THADA: variants seen among roughly 807,000 people sequenced by gnomAD.
THADA encodes the protein THADA armadillo repeat containing, also known as tRNA (32-2'-O)-methyltransferase regulator THADA.
In THADA, 213 loss-of-function variants were observed where a neutral mutation model predicts 219.8. The observed-to-expected ratio is 0.97, with a 90% CI of 0.87 to 1.09. The LOEUF (loss-of-function observed/expected upper bound fraction) is 1.09. Ranked by LOEUF, THADA falls within the 50% of genes least tolerant of loss-of-function variation. THADA has a pLI of 0.00. For missense variants in THADA, 2,956 were observed against 2,311.3 expected (o/e 1.28, Z -5.72); for synonymous variants, 1,018 against 828.9 (o/e 1.23, Z -3.92).
At chr2:43,309,745 C>A (rs1284569521) in intron 31 of THADA, among the ~76,000 whole-genome samples, 1 of 152,086 alleles carries the variant, frequency 6.6e-6, no homozygotes, top group Non-Finnish European at 1.5e-5. Context: ...AGGAATGAGA[C>A]AAGATGTCTG....
chr2:43,460,476 C>G (rs887749095), intron 26 of THADA, among the ~76,000 whole-genome samples: 1 of 152,100 alleles, frequency 6.6e-6, no homozygotes, highest in African/African-American at 2.4e-5. Context: ...AAAAAATAAA[C>G]CTGGTACAAA....
chr2:43,311,947 C>T (rs1458697922), intron 31 of THADA, among the ~76,000 whole-genome samples: 3 of 152,174 alleles, frequency 2.0e-5, no homozygotes, highest in Non-Finnish European at 4.4e-5. Flanking sequence ...GCCTGTAATC[C>T]CAGCACTTTG....
intron 36 of THADA, among the ~76,000 whole-genome samples, chr2:43,278,302 A>C (rs1289519567): frequency 6.6e-6 from 1 of 152,188 alleles, no homozygotes; most frequent in East Asian, 1.9e-4. Context: ...CTTCTGATTA[A>C]AGAAAAAAAT....
intron 28 of THADA, among the ~76,000 whole-genome samples, chr2:43,399,776 T>C (rs1292342004): frequency 6.6e-6 from 1 of 152,148 alleles, no homozygotes; most frequent in Non-Finnish European, 1.5e-5. Flanking sequence ...TTTAAGTGAT[T>C]AAATGTTTAA....
chr2:43,548,749 C>T (rs1299965301), intron 20 of THADA, among the ~76,000 whole-genome samples: 3 of 152,322 alleles, frequency 2.0e-5, no homozygotes, highest in South Asian at 2.1e-4. Context: ...GGCAGTGACC[C>T]GATTTTCCAG....
intron 21 of THADA, among the ~76,000 whole-genome samples, chr2:43,530,937 C>T (rs1198572318): frequency 6.6e-6 from 1 of 152,200 alleles, no homozygotes; most frequent in Non-Finnish European, 1.5e-5. Flanking sequence ...TCATTTTGCA[C>T]TTAATAATTT....
intron 15 of THADA, chr2:43,564,495 C>G (rs531658014): frequency 6.6e-5 from 10 of 152,406 alleles, no homozygotes; most frequent in Admixed American, 4.6e-4. Context: ...CTGCCTCTGT[C>G]TTGTAAGGAT....
intron 26 of THADA, among the ~76,000 whole-genome samples, chr2:43,479,034 T>C (rs898217568): frequency 1.3e-5 from 2 of 152,182 alleles, no homozygotes; most frequent in African/African-American, 4.8e-5. Context: ...AATGATTGAA[T>C]GTTAATTCTA....
chr2:43,533,755 G>C (rs1325617827), intron 21 of THADA, among the ~76,000 whole-genome samples: 1 of 152,178 alleles, frequency 6.6e-6, no homozygotes, highest in Non-Finnish European at 1.5e-5. Flanking sequence ...TGGAGGGCAA[G>C]GGGAGGGAGA....
intron 26 of THADA, among the ~76,000 whole-genome samples, chr2:43,459,125 G>A (rs1027295426): frequency 4.6e-5 from 7 of 152,158 alleles, no homozygotes; most frequent in South Asian, 2.1e-4. Flanking sequence ...TTATACCTGT[G>A]TTTAAGATAC....
At chr2:43,332,494 T>C (rs948280051) in intron 30 of THADA, among the ~76,000 whole-genome samples, 1 of 152,252 alleles carries the variant, frequency 6.6e-6, no homozygotes, top group Non-Finnish European at 1.5e-5. Flanking sequence ...TATTTCCCAC[T>C]GTGCCTAAAC....
intron 36 of THADA, among the ~76,000 whole-genome samples, chr2:43,272,341 C>T (rs1412822319): frequency 6.6e-6 from 1 of 152,148 alleles, no homozygotes; most frequent in African/African-American, 2.4e-5. Context: ...TGTTTTACTC[C>T]TGAAGAAGTG....
rs557250395 is a variant in THADA, at chr2:43,503,175, T to C, written c.3621+2447A>G. 6.6e-5 allele frequency among the ~76,000 whole-genome samples: 10 copies of C among 152,332 alleles called. No individual in the cohort carries two copies. In the South Asian group the frequency reaches 1.4e-3, roughly 22 times the overall value. On this transcript the variant is annotated intron_variant, in intron 24 of 37. Transcript: ENST00000405975. Reference sequence around the variant, plus strand: ...CAACATAACAGCATCAGATTGAATATGTGTGTACCCTACAACCCTGCAATT... The same window carrying C: ...CAACATAACAGCATCAGATTGAATACGTGTGTACCCTACAACCCTGCAATT...
intron 26 of THADA, among the ~76,000 whole-genome samples, chr2:43,450,418 T>C (rs953892071): frequency 1.3e-5 from 2 of 152,098 alleles, no homozygotes; most frequent in African/African-American, 4.8e-5. Flanking sequence ...GTTAAGGTGG[T>C]ATAAATTCAA....
At chr2:43,451,692 C>A (rs998791491) in intron 26 of THADA, among the ~76,000 whole-genome samples, 1 of 152,174 alleles carries the variant, frequency 6.6e-6, no homozygotes, top group Non-Finnish European at 1.5e-5. Flanking sequence ...AAGATATATA[C>A]AAGATTACAG....
At chr2:43,527,363 C>T (rs1353295369) in intron 22 of THADA, among the ~76,000 whole-genome samples, 1 of 152,124 alleles carries the variant, frequency 6.6e-6, no homozygotes, top group African/African-American at 2.4e-5. Context: ...TCAAGAAATA[C>T]ATTTGGTTAA....
At chr2:43,375,917 G>A (rs548863633) in intron 29 of THADA, among the ~76,000 whole-genome samples, 7 of 152,306 alleles carry the variant, frequency 4.6e-5, no homozygotes, top group Non-Finnish European at 1.0e-4. Context: ...TTTTGCAAGA[G>A]AATTTCGTGA....
intron 26 of THADA, among the ~76,000 whole-genome samples, chr2:43,445,011 C>T (rs1327166503): frequency 6.6e-6 from 1 of 152,138 alleles, no homozygotes; most frequent in African/African-American, 2.4e-5. Flanking sequence ...AGGCCAAAGC[C>T]TGGGGGTTTT....
At chr2:43,495,874 G>A (rs561836714) in intron 25 of THADA, among the ~76,000 whole-genome samples, 88 of 152,258 alleles carry the variant, frequency 5.8e-4, no homozygotes, top group South Asian at 2.1e-4. Flanking sequence ...TCTACTTCCT[G>A]TAAGTATAAA....
Sources: gnomAD v4.1 joint callset for allele counts (sites outside exome capture counted in the v4.1 genomes callset) on GRCh38, gnomAD v4.1.1 for gene constraint, MANE v1.5 for transcripts, NCBI Gene and HGNC (gene_info 2026-07-23, HGNC 2026-07-21) for gene names.